The following KIF6 variants were observed in gnomAD, a reference collection of about 807,000 sequenced individuals.
KIF6 encodes the protein kinesin-like protein KIF6.
KIF6 carries 106 observed loss-of-function variants against 112.7 expected under a neutral mutation model. The observed-to-expected ratio is 0.94, with a 90% CI of 0.80 to 1.11. The LOEUF is 1.11. Among genes scored for constraint, KIF6 ranks in the 50% least tolerant of loss-of-function variants. KIF6 has a pLI of 0.00. For synonymous variants in KIF6, 339 were observed against 339.9 expected (o/e 1.00, Z 0.03); for missense variants, 929 against 964.0 (o/e 0.96, Z 0.48).
chr6:39,534,786 G>GAAA (rs1211335810), intron 13 of KIF6, among the ~76,000 whole-genome samples: 10 of 152,164 alleles, frequency 6.6e-5, no homozygotes, highest in Non-Finnish European at 1.5e-4. Flanking sequence ...TGAAATGAAG[G>GAAA]AAAAAATGTT....
chr6:39,662,435 G>A (rs1255401311), intron 3 of KIF6, among the ~76,000 whole-genome samples: 1 of 152,138 alleles, frequency 6.6e-6, no homozygotes, highest in Non-Finnish European at 1.5e-5. Flanking sequence ...AATTGTTTAG[G>A]AAAATTTCAA....
At chr6:39,354,244 C>T (rs1278380025) in intron 19 of KIF6, 1 of 229,114 alleles carries the variant, frequency 4.4e-6, no homozygotes, top group Admixed American at 5.0e-5. Context: ...TTTTTAAGCC[C>T]CCATCTTGTT....
At chr6:39,608,107 C>T (rs1032377824) in intron 6 of KIF6, among the ~76,000 whole-genome samples, 9 of 152,136 alleles carry the variant, frequency 5.9e-5, no homozygotes, top group African/African-American at 1.2e-4. Context: ...ACCCTGTCTC[C>T]CAATTATTTG....
intron 13 of KIF6, among the ~76,000 whole-genome samples, chr6:39,533,441 A>T (rs948071667): frequency 5.9e-5 from 9 of 152,198 alleles, no homozygotes; most frequent in African/African-American, 1.9e-4. Context: ...AACTGCAAGG[A>T]GGCAGCGAGG....
chr6:39,510,872 CAAAAAAAAA>C (rs1180631310), intron 13 of KIF6, among the ~76,000 whole-genome samples: 2 of 23,866 alleles, frequency 8.4e-5, no homozygotes, highest in East Asian at 4.4e-3. Context: ...AAATGGGAAG[CAAAAAAAAA>C]AAAAAAAAAA....
intron 3 of KIF6, among the ~76,000 whole-genome samples, chr6:39,688,914 G>C (rs540226715): frequency 6.6e-6 from 1 of 152,270 alleles, no homozygotes; most frequent in Admixed American, 6.5e-5. Flanking sequence ...TCCAGCCTGG[G>C]TAGCATAGTG....
At chr6:39,574,498 G>T (rs1200233978) in intron 10 of KIF6, among the ~76,000 whole-genome samples, 1 of 152,082 alleles carries the variant, frequency 6.6e-6, no homozygotes. Flanking sequence ...AGCACTAGAT[G>T]TTCTTGTTTT....
At position 39,540,088 on chromosome 6, in the gene KIF6, T is replaced by A; in HGVS notation, c.1560A>T (p.Gln520His). Residue 520 changes from glutamine to histidine, a missense_variant, in exon 13 of 23, where the codon CAA becomes CAT. By Grantham distance (24) the Gln-to-His change is conservative (BLOSUM62 0). Transcript: ENST00000287152. ...AGGGAGCTGAGGATAGTCGCATTCT[T>A]TGACCTTCTTCTGGGTTTCCTAGGC... ...PFRLGNPEEG[Q>H]RMRLSSAPSQ... 6.2e-7 allele frequency: 1 copy of A among 1,614,164 alleles called. No individual in the cohort carries two copies. The highest frequency in any genetic ancestry group is 2.2e-5 in the East Asian group (1 of 44,882).
At chr6:39,562,577 A>T (rs1288877201) in intron 10 of KIF6, among the ~76,000 whole-genome samples, 1 of 152,234 alleles carries the variant, frequency 6.6e-6, no homozygotes, top group African/African-American at 2.4e-5. Flanking sequence ...TGTAAACCTC[A>T]CACCTTTATG....
chr6:39,452,269 G>A lies in KIF6; in HGVS notation c.1646-21108C>T, dbSNP rs183159395. ...AAAGTTAAGCTGCTAGGATGAAGAAGAATCTAAATTGGATTTGCTTAAAAA... is the reference window on the plus strand; with the variant it reads ...AAAGTTAAGCTGCTAGGATGAAGAAAAATCTAAATTGGATTTGCTTAAAAA... On this transcript the variant is annotated intron_variant, in intron 13 of 22. Coordinates refer to ENST00000287152, the MANE Select transcript of KIF6 (RefSeq NM_145027.6). Among the ~76,000 whole-genome samples, 6 of 152,322 alleles carry A rather than the reference G, an allele frequency of 3.9e-5. No homozygotes were observed. The East Asian group carries it at 1.2e-3, about 29-fold the overall frequency.
chr6:39,347,871 C>G (rs569779405), intron 19 of KIF6, among the ~76,000 whole-genome samples: 1 of 152,354 alleles, frequency 6.6e-6, no homozygotes, highest in African/African-American at 2.4e-5. Flanking sequence ...GAAAAGACAC[C>G]AGAGCCTGGG....
intron 15 of KIF6, among the ~76,000 whole-genome samples, chr6:39,414,853 G>A (rs1315716070): frequency 1.3e-5 from 2 of 151,932 alleles, no homozygotes; most frequent in Non-Finnish European, 2.9e-5. Flanking sequence ...AGAAATTCTA[G>A]TCTGGCCACT....
At chr6:39,424,674 T>G (rs1770637547) in intron 14 of KIF6, among the ~76,000 whole-genome samples, 2 of 152,068 alleles carry the variant, frequency 1.3e-5, no homozygotes, top group Admixed American at 1.3e-4. Context: ...CAGGGCTGGG[T>G]TGATGTGGAA....
intron 15 of KIF6, among the ~76,000 whole-genome samples, chr6:39,396,561 G>C (rs1198531563): frequency 6.6e-6 from 1 of 152,188 alleles, no homozygotes; most frequent in Admixed American, 6.5e-5. Context: ...GGAATCCTGG[G>C]CCTACAATAA....
intron 22 of KIF6, among the ~76,000 whole-genome samples, chr6:39,337,676 G>T (rs1300706787): frequency 3.9e-5 from 6 of 152,018 alleles, no homozygotes; most frequent in African/African-American, 1.5e-4. Flanking sequence ...TTTTCCTCCA[G>T]ATATTAATTA....
At chr6:39,349,902 C>A (rs1030437947) in intron 19 of KIF6, among the ~76,000 whole-genome samples, 2 of 152,064 alleles carry the variant, frequency 1.3e-5, no homozygotes, top group African/African-American at 4.8e-5. Flanking sequence ...ACCTTGGCCT[C>A]CCAAAGTGCT....
intron 13 of KIF6, among the ~76,000 whole-genome samples, chr6:39,493,326 A>G (rs1775583541): frequency 6.6e-6 from 1 of 152,248 alleles, no homozygotes; most frequent in African/African-American, 2.4e-5. Context: ...ATGATTTACC[A>G]TAAAGTGGTT....
intron 16 of KIF6, among the ~76,000 whole-genome samples, chr6:39,367,607 C>T (rs1234987544): frequency 6.6e-6 from 1 of 152,192 alleles, no homozygotes; most frequent in Admixed American, 6.5e-5. Flanking sequence ...CGCACAGTCC[C>T]AGGCTGACCT....
intron 14 of KIF6, among the ~76,000 whole-genome samples, chr6:39,424,171 T>C (rs1339268649): frequency 6.6e-6 from 1 of 152,224 alleles, no homozygotes; most frequent in Non-Finnish European, 1.5e-5. Context: ...GTCTCTCATC[T>C]TGGGGACGTC....
Sources: gnomAD v4.1 joint callset for allele counts (sites outside exome capture counted in the v4.1 genomes callset) on GRCh38, gnomAD v4.1.1 for gene constraint, MANE v1.5 for transcripts, NCBI Gene and HGNC (gene_info 2026-07-23, HGNC 2026-07-21) for gene names.